SHANK2: variants seen among roughly 807,000 people sequenced by gnomAD.
SHANK2 encodes SH3 and multiple ankyrin repeat domains 2, also known as SH3 and multiple ankyrin repeat domains protein 2.
A neutral mutation model predicts 133.7 loss-of-function variants in SHANK2; 43 were observed. That is an observed-to-expected ratio of 0.32 (90% CI 0.25 to 0.41). The LOEUF (loss-of-function observed/expected upper bound fraction) is 0.41, where lower values mean the gene tolerates loss of function less well. SHANK2 is among the 10% of genes least tolerant of loss of function. SHANK2 has a pLI of 1.00. For missense variants in SHANK2, 1,994 were observed against 2,235.8 expected (o/e 0.89, Z 2.18); for synonymous variants, 1,017 against 952.8 (o/e 1.07, Z -1.24).
intron 2 of SHANK2, among the ~76,000 whole-genome samples, chr11:71,209,474 G>A (rs1485162108): frequency 1.3e-5 from 2 of 152,150 alleles, no homozygotes; most frequent in East Asian, 3.9e-4. Context: ...GACACACCTG[G>A]GTGCTCCCCT....
intron 1 of SHANK2, among the ~76,000 whole-genome samples, chr11:71,234,090 GT>G (rs1384926254): frequency 1.5e-5 from 2 of 136,858 alleles, no homozygotes; most frequent in East Asian, 2.4e-4. Flanking sequence ...GCTCATGCCT[GT>G]AATCCCAGCA....
At chr11:71,146,655 C>G (rs1169357133) in intron 3 of SHANK2, among the ~76,000 whole-genome samples, 10 of 152,156 alleles carry the variant, frequency 6.6e-5, no homozygotes, top group African/African-American at 1.9e-4. Context: ...GGCTGTACCC[C>G]CTGGAAGTGG....
At chr11:70,632,203 G>A (rs570262669) in intron 17 of SHANK2, among the ~76,000 whole-genome samples, 7 of 152,076 alleles carry the variant, frequency 4.6e-5, no homozygotes, top group Non-Finnish European at 8.8e-5. Flanking sequence ...CTCACTGCAA[G>A]CTCTGCCTCC....
chr11:70,682,093 G>A (rs1203735860), intron 15 of SHANK2, among the ~76,000 whole-genome samples: 1 of 152,192 alleles, frequency 6.6e-6, no homozygotes, highest in South Asian at 2.1e-4. Flanking sequence ...TTTGTGAGAG[G>A]GCCTTTGACC....
intron 14 of SHANK2, among the ~76,000 whole-genome samples, chr11:70,727,323 T>C (rs536637383): frequency 2.0e-5 from 3 of 152,104 alleles, no homozygotes; most frequent in African/African-American, 4.8e-5. Context: ...ATGTGGGAGG[T>C]TGGCCAATAC....
chr11:71,118,114 G>A (rs1555100712), intron 4 of SHANK2, among the ~76,000 whole-genome samples: 3 of 152,086 alleles, frequency 2.0e-5, no homozygotes, highest in African/African-American at 7.2e-5. Context: ...GAGAAGCATG[G>A]GGAGCCCCGT....
At chr11:70,854,795 G>T (rs1403207398) in intron 11 of SHANK2, among the ~76,000 whole-genome samples, 1 of 152,210 alleles carries the variant, frequency 6.6e-6, no homozygotes, top group Non-Finnish European at 1.5e-5. Flanking sequence ...AGCTGCTGGG[G>T]TGTGAGTACA....
chr11:70,492,471 A>G lies in SHANK2; in HGVS notation c.2309-6T>C. 1 of 1,613,898 alleles carries G rather than the reference A, an allele frequency of 6.2e-7. No homozygotes were observed. Among genetic ancestry groups the G allele is most frequent in the Non-Finnish European group, 8.5e-7 (1 of 1,180,040 alleles). Reference sequence around the variant, plus strand: ...GACTATCTCCTCGGGTTTATCTGCAATAGAACCGTGAGGATTGGAGCAGCA... The same window carrying G: ...GACTATCTCCTCGGGTTTATCTGCAGTAGAACCGTGAGGATTGGAGCAGCA... On this transcript the variant is annotated splice_region_variant and splice_polypyrimidine_tract_variant and intron_variant, in intron 21 of 25. Transcript: ENST00000601538.
rs552182689 is a variant in SHANK2, at chr11:71,203,256, G to A, written c.-13+21441C>T. Among the ~76,000 whole-genome samples the A allele has an allele frequency of 5.9e-5, 9 of 152,286 alleles. No individual in the cohort carries two copies. In the East Asian group the frequency reaches 1.4e-3, roughly 23 times the overall value. On this transcript the variant is annotated intron_variant, in intron 2 of 25. Transcript: ENST00000601538. The stretch of plus-strand genomic sequence containing the variant: ...ACCTTTGCCAAGACCTTAGTGGTCA[G>A]CATTTGCCAACAAGTCAATCTCCCA...
chr11:71,175,309 G>A lies in SHANK2; in HGVS notation c.-12-27971C>T, dbSNP rs782216281. ...CAGCTGAGCATGACAGGTCGCCCCA[G>A]GAAATGCAAAGCTGATGAAACCTGA... On this transcript the variant is annotated intron_variant, in intron 2 of 25. Coordinates refer to ENST00000601538, the MANE Select transcript of SHANK2 (RefSeq NM_012309.5). The surrounding 1 kb of genome is among the most constrained non-coding windows in gnomAD (Gnocchi z 4.2). 6.6e-6 allele frequency among the ~76,000 whole-genome samples: 1 copy of A among 152,134 alleles called. No homozygotes were observed. Among genetic ancestry groups the A allele is most frequent in the African/African-American group, 2.4e-5 (1 of 41,432 alleles).
At chr11:70,797,851 A>G (rs1159103715) in intron 14 of SHANK2, among the ~76,000 whole-genome samples, 2 of 151,518 alleles carry the variant, frequency 1.3e-5, no homozygotes, top group Non-Finnish European at 2.9e-5. Context: ...ACACACACAC[A>G]CACACACACA....
intron 4 of SHANK2, among the ~76,000 whole-genome samples, chr11:71,113,732 T>C (rs1555099849): frequency 6.6e-6 from 1 of 152,142 alleles, no homozygotes; most frequent in East Asian, 1.9e-4. Flanking sequence ...TTTTGGTAAA[T>C]GAGGATGCTG....
intron 8 of SHANK2, among the ~76,000 whole-genome samples, chr11:71,085,715 T>TTA (rs1555092671): frequency 1.7e-4 from 11 of 64,872 alleles, no homozygotes; most frequent in Non-Finnish European, 2.7e-4. Context: ...GTTATATATA[T>TTA]TATATTATAT....
intron 2 of SHANK2, among the ~76,000 whole-genome samples, chr11:71,176,368 T>G (rs1248657940): frequency 2.0e-5 from 3 of 151,958 alleles, no homozygotes; most frequent in Non-Finnish European, 2.9e-5. Flanking sequence ...CAATGAAAAA[T>G]TATCACACAT....
chr11:70,763,389 G>A (rs1947035446), intron 14 of SHANK2, among the ~76,000 whole-genome samples: 1 of 152,126 alleles, frequency 6.6e-6, no homozygotes, highest in East Asian at 1.9e-4. Context: ...GCTGCTCCGG[G>A]ATAACTGTGC....
chr11:70,663,046 C>T (rs537370945), intron 15 of SHANK2, among the ~76,000 whole-genome samples: 1 of 152,006 alleles, frequency 6.6e-6, no homozygotes, highest in Non-Finnish European at 1.5e-5. Context: ...CAGGGTCTTG[C>T]GGGGCTGTGT....
rs1565496292 is a variant in SHANK2, at chr11:71,175,553, AGAGAG to A, written c.-12-28220_-12-28216del. ...GACAGACAGAGGGAGAGGGAGAGGG[AGAGAG>A]AGAGAGAGAGAGAGAGAGAGAGAGA... On this transcript the variant is annotated intron_variant, in intron 2 of 25. Coordinates refer to ENST00000601538, the MANE Select transcript of SHANK2 (RefSeq NM_012309.5). This position sits in a 1 kb window ranked among gnomAD's most constrained non-coding sequence, Gnocchi z 4.2. 1.1e-4 allele frequency among the ~76,000 whole-genome samples: 3 copies of A among 26,320 alleles called. No homozygotes were observed. Among genetic ancestry groups the A allele is most frequent in the Non-Finnish European group, 6.2e-5 (1 of 16,018 alleles). The allele number at this position is 26,320 out of a possible 152,430, so 17.3% of individuals were successfully genotyped here. A position where few individuals can be genotyped will look rare whatever the true frequency, so the allele number is the denominator to read the frequency against.
chr11:70,606,045 C>T (rs773734396), intron 17 of SHANK2, among the ~76,000 whole-genome samples: 2 of 152,122 alleles, frequency 1.3e-5, no homozygotes, highest in African/African-American at 4.8e-5. Flanking sequence ...CCCAGACAGA[C>T]GACAGCAGAT....
At chr11:70,920,860 G>A (rs1464518071) in intron 10 of SHANK2, among the ~76,000 whole-genome samples, 3 of 152,296 alleles carry the variant, frequency 2.0e-5, no homozygotes, top group Admixed American at 2.0e-4. Flanking sequence ...AGATCAAGGA[G>A]GTTAAGTCAA....
Sources: gnomAD v4.1 joint callset for allele counts (sites outside exome capture counted in the v4.1 genomes callset) on GRCh38, gnomAD v4.1.1 for gene constraint, Gnocchi (gnomAD v3.1) non-coding constraint, MANE v1.5 for transcripts, NCBI Gene and HGNC (gene_info 2026-07-23, HGNC 2026-07-21) for gene names.